The following MDGA2 variants were observed in gnomAD, a reference collection of about 807,000 sequenced individuals.
MDGA2 encodes MAM domain containing glycosylphosphatidylinositol anchor 2.
A neutral mutation model predicts 117.8 loss-of-function variants in MDGA2; 40 were observed. The observed-to-expected ratio is 0.34, with a 90% CI of 0.26 to 0.44. MDGA2 has a LOEUF of 0.44. Among genes scored for constraint, MDGA2 ranks in the 20% least tolerant of loss-of-function variants. MDGA2 has a pLI of 1.00. For missense variants in MDGA2, 1,123 were observed against 1,250.6 expected (o/e 0.90, Z 1.54); for synonymous variants, 452 against 439.0 (o/e 1.03, Z -0.37).
chr14:47,230,880 C>A (rs1031344922), intron 2 of MDGA2, among the ~76,000 whole-genome samples: 1 of 151,962 alleles, frequency 6.6e-6, no homozygotes, highest in African/African-American at 2.4e-5. Flanking sequence ...AGAGCATTAA[C>A]AGTACACTAT....
chr14:47,541,918 G>A (rs1410311362), intron 1 of MDGA2, among the ~76,000 whole-genome samples: 1 of 152,136 alleles, frequency 6.6e-6, no homozygotes, highest in Admixed American at 6.5e-5. Flanking sequence ...GTCTTCTTCG[G>A]AAAGTAAAAT....
intron 10 of MDGA2, among the ~76,000 whole-genome samples, chr14:46,915,847 T>C (rs570932007): frequency 6.6e-6 from 1 of 152,226 alleles, no homozygotes; most frequent in African/African-American, 2.4e-5. Flanking sequence ...GGACACTTGC[T>C]ATAAACACAG....
chr14:47,306,730 CCTAGAACCT>C (rs1257950125), intron 1 of MDGA2, among the ~76,000 whole-genome samples: 1 of 152,092 alleles, frequency 6.6e-6, no homozygotes, highest in Non-Finnish European at 1.5e-5. Context: ...TGGTCCCTCT[CCTAGAACCT>C]CTAGTGAACA....
intron 1 of MDGA2, among the ~76,000 whole-genome samples, chr14:47,611,718 T>C (rs1896851844): frequency 2.0e-5 from 3 of 152,128 alleles, no homozygotes; most frequent in African/African-American, 7.2e-5. Context: ...GGCATTCAGT[T>C]CTGATGTTAC....
chr14:46,876,570 A>T (rs1356648364), intron 12 of MDGA2, among the ~76,000 whole-genome samples: 2 of 151,614 alleles, frequency 1.3e-5, no homozygotes, highest in Non-Finnish European at 3.0e-5. Flanking sequence ...ACATGATTTT[A>T]GCAGAGTTTC....
chr14:47,437,620 G>A (rs1186146203), intron 1 of MDGA2, among the ~76,000 whole-genome samples: 2 of 152,098 alleles, frequency 1.3e-5, no homozygotes, highest in Non-Finnish European at 2.9e-5. Context: ...TAGAGTGGAG[G>A]CAACAAATGA....
At chr14:47,121,880 G>T (rs1221102695) in intron 5 of MDGA2, among the ~76,000 whole-genome samples, 1 of 151,962 alleles carries the variant, frequency 6.6e-6, no homozygotes, top group African/African-American at 2.4e-5. Flanking sequence ...ATGTGCATTA[G>T]GTCCAGAAAT....
intron 1 of MDGA2, among the ~76,000 whole-genome samples, chr14:47,530,742 A>T (rs111728820): frequency 1.8e-4 from 28 of 152,306 alleles, no homozygotes; most frequent in Non-Finnish European, 3.1e-4. Flanking sequence ...GTCATGTTGC[A>T]TTGCAGGCTG....
In MDGA2 at chr14:46,998,006, T is replaced by C. The variant is rs187691022; in HGVS notation, c.1819+37005A>G. The stretch of plus-strand genomic sequence containing the variant: ...TTTGAAGACTTTTGAATAATCCTTA[T>C]TGAATATCATCAGAAAAAAAATAAG... On this transcript the variant is annotated intron_variant, in intron 8 of 16. Coordinates refer to ENST00000399232, the MANE Select transcript of MDGA2 (RefSeq NM_001113498.3). Among the ~76,000 whole-genome samples the C allele has an allele frequency of 4.9e-4, 75 of 152,126 alleles. 2 individuals are homozygous for C. The highest frequency in any genetic ancestry group is 1.7e-3 in the African/African-American group (71 of 41,522).
chr14:47,360,394 A>AAAT (rs1891094252), intron 1 of MDGA2, among the ~76,000 whole-genome samples: 4 of 127,042 alleles, frequency 3.1e-5, no homozygotes, highest in Non-Finnish European at 7.2e-5. Flanking sequence ...AATAAATAAA[A>AAAT]TAAAATAAAA....
At chr14:47,308,479 C>T (rs903720380) in intron 1 of MDGA2, among the ~76,000 whole-genome samples, 5 of 143,694 alleles carry the variant, frequency 3.5e-5, no homozygotes, top group Non-Finnish European at 6.1e-5. Context: ...TCTTTCTTTT[C>T]TTTTTTCCCT....
chr14:47,260,479 CAGA>C (rs1307152429), intron 2 of MDGA2, among the ~76,000 whole-genome samples: 1 of 152,012 alleles, frequency 6.6e-6, no homozygotes, highest in Non-Finnish European at 1.5e-5. Flanking sequence ...AAGGTGTGTC[CAGA>C]AGGTGTCTCT....
At chr14:47,605,610 C>T (rs983629304) in intron 1 of MDGA2, among the ~76,000 whole-genome samples, 1 of 151,792 alleles carries the variant, frequency 6.6e-6, no homozygotes, top group Non-Finnish European at 1.5e-5. Context: ...CCAATGTTCC[C>T]ATAGTGTTAT....
intron 1 of MDGA2, among the ~76,000 whole-genome samples, chr14:47,357,283 G>A (rs1157392691): frequency 1.3e-5 from 2 of 152,220 alleles, no homozygotes; most frequent in Non-Finnish European, 2.9e-5. Context: ...CAGACTTGCT[G>A]TAGGGCTGGC....
chr14:47,558,486 CAA>C (rs1048737027), intron 1 of MDGA2, among the ~76,000 whole-genome samples: 1 of 152,122 alleles, frequency 6.6e-6, no homozygotes, highest in Non-Finnish European at 1.5e-5. Flanking sequence ...GAACAACAGT[CAA>C]GTTTCCAAAA....
intron 15 of MDGA2, among the ~76,000 whole-genome samples, chr14:46,851,000 A>T (rs893357378): frequency 2.6e-5 from 4 of 151,868 alleles, no homozygotes; most frequent in Admixed American, 6.6e-5. Flanking sequence ...AATGAGGACA[A>T]TATTTTCTAG....
chr14:46,877,604 G>A, intron 11 of MDGA2, 95 bp from the exon 12 acceptor site: 1 of 809,866 alleles, frequency 1.2e-6, no homozygotes. Context: ...GTGTCTCATA[G>A]TTCCTTACCA....
At chr14:47,562,915 T>G (rs1337351261) in intron 1 of MDGA2, among the ~76,000 whole-genome samples, 1 of 152,178 alleles carries the variant, frequency 6.6e-6, no homozygotes, top group Non-Finnish European at 1.5e-5. Flanking sequence ...CCAGTAATGC[T>G]GGTATATTGT....
intron 1 of MDGA2, among the ~76,000 whole-genome samples, chr14:47,659,806 G>A (rs1428956254): frequency 1.3e-5 from 2 of 152,238 alleles, no homozygotes; most frequent in Non-Finnish European, 1.5e-5. Context: ...GTAAAATCAC[G>A]AAATCTATTA....
Sources: gnomAD v4.1 joint callset for allele counts (sites outside exome capture counted in the v4.1 genomes callset) on GRCh38, gnomAD v4.1.1 for gene constraint, MANE v1.5 for transcripts, NCBI Gene and HGNC (gene_info 2026-07-23, HGNC 2026-07-21) for gene names.